The following NNT variants were observed in gnomAD, a reference collection of about 807,000 sequenced individuals.
NNT encodes the protein nicotinamide nucleotide transhydrogenase.
In NNT, 50 loss-of-function variants were observed where a neutral mutation model predicts 104.8. The ratio of observed to expected loss-of-function variants is 0.48; its 90% CI spans 0.38 to 0.60. The LOEUF is 0.60. Among genes scored for constraint, NNT ranks in the 20% least tolerant of loss-of-function variants. NNT has a pLI of 0.00. For missense variants in NNT, 1,131 were observed against 1,330.7 expected, an observed-to-expected ratio of 0.85 and a Z score of 2.33; for synonymous variants, 461 against 490.4, an observed-to-expected ratio of 0.94 and a Z score of 0.79.
intron 6 of NNT, among the ~76,000 whole-genome samples, chr5:43,624,830 G>A (rs530383529): frequency 2.6e-4 from 39 of 152,274 alleles, no homozygotes; most frequent in Admixed American, 5.9e-4. Context: ...GTTGAAAAAT[G>A]TAGTCATTTA....
chr5:43,656,029 G>A lies in NNT; in HGVS notation c.2249G>A (p.Gly750Asp). 1 of 1,614,182 alleles carries A rather than the reference G, an allele frequency of 6.2e-7. No homozygotes were observed. The highest frequency in any genetic ancestry group is 8.5e-7 in the Non-Finnish European group (1 of 1,180,020). ...GCCTACCTCGGCACTTACATTGGTG[G>A]CGTCACCTTTAGTGGGTCTCTCATT... ...IVAYLGTYIGGVTFSGSLIAY... is the reference protein window; with the variant it reads ...IVAYLGTYIGDVTFSGSLIAY... The change falls in exon 15 of 22, where the codon GGC (glycine) becomes GAC (aspartate). Residue 750 changes from glycine to aspartate, a missense_variant. Gly to Asp is a moderately conservative substitution (Grantham distance 94). Coordinates refer to ENST00000344920, the MANE Select transcript of NNT (RefSeq NM_182977.3).
At chr5:43,678,812 AG>A (rs1741556377) in intron 19 of NNT, among the ~76,000 whole-genome samples, 1 of 152,218 alleles carries the variant, frequency 6.6e-6, no homozygotes, top group African/African-American at 2.4e-5. Flanking sequence ...TGATGAAATC[AG>A]GGGGCTACCT....
At chr5:43,695,337 A>G (rs1258264737) in intron 19 of NNT, among the ~76,000 whole-genome samples, 1 of 152,210 alleles carries the variant, frequency 6.6e-6, no homozygotes, top group Non-Finnish European at 1.5e-5. Context: ...CTGGCTTGCC[A>G]ACAGTTCTTG....
rs1739310986 is a variant in NNT, at chr5:43,645,129, G to A, written c.1291-228G>A. On this transcript the variant is annotated intron_variant, in intron 9 of 21. Transcript: ENST00000344920. ...TTTGCACTCTTGCTTATATGGTCCT[G>A]TACACATACAAATTACATATATATG... Among the ~76,000 whole-genome samples, 2 of 151,926 alleles carry A rather than the reference G, an allele frequency of 1.3e-5. 1 individual carries two copies. Among genetic ancestry groups the A allele is most frequent in the African/African-American group, 4.8e-5 (2 of 41,324 alleles).
chr5:43,632,453 C>T lies in NNT; in HGVS notation c.964+4066C>T, dbSNP rs1453784708. 3.3e-5 allele frequency among the ~76,000 whole-genome samples: 5 copies of T among 152,154 alleles called. No homozygotes were observed. In the East Asian group the frequency reaches 9.6e-4, roughly 29 times the overall value. ...AATTTTTATTGTCCTAGGTATACGT[C>T]ACTTGGTGGTCTTGAAAAAACAATG... On this transcript the variant is annotated intron_variant, in intron 7 of 21. Coordinates refer to ENST00000344920, the MANE Select transcript of NNT (RefSeq NM_182977.3).
intron 19 of NNT, among the ~76,000 whole-genome samples, chr5:43,691,070 A>AGAGTGTGTGT (rs1245517310): frequency 1.5e-4 from 21 of 137,398 alleles, no homozygotes; most frequent in Non-Finnish European, 2.5e-4. Flanking sequence ...TTTTTGAGAG[A>AGAGTGTGTGT]GTGTGTGTGT....
chr5:43,628,249 G>A lies in NNT; in HGVS notation c.826G>A (p.Val276Met), dbSNP rs141799831. ...GTCTCTTGGTGCTGAGCCCTTGGAG[G>A]TGGACTTGAAGGAATCTGGTGAGGG... ...FKSLGAEPLE[V>M]DLKESGEGQG... is the part of the protein sequence containing the mutation. The change falls in exon 7 of 22, where the codon GTG becomes ATG. Residue 276 changes from valine to methionine, a missense_variant. Val to Met is a conservative substitution (Grantham distance 21, BLOSUM62 1). Transcript: ENST00000344920. The A allele has an allele frequency of 1.2e-5, 19 of 1,613,940 alleles. No homozygotes were observed. The African/African-American group carries it at 1.7e-4, about 15-fold the overall frequency.
intron 14 of NNT, among the ~76,000 whole-genome samples, chr5:43,653,813 G>A (rs575520980): frequency 5.1e-4 from 77 of 152,042 alleles, no homozygotes; most frequent in African/African-American, 1.1e-3. Flanking sequence ...AAATTAGTTG[G>A]GCATGGTGGC....
chr5:43,627,189 C>T (rs79233968), intron 6 of NNT, among the ~76,000 whole-genome samples: 9,529 of 152,236 alleles, frequency 0.063, 396 homozygotes, highest in Non-Finnish European at 0.09. Flanking sequence ...ACTTTACCTC[C>T]AGGGGGCAAT....
chr5:43,635,332 G>A (rs1358620782), intron 7 of NNT, among the ~76,000 whole-genome samples: 2 of 152,146 alleles, frequency 1.3e-5, no homozygotes, highest in Non-Finnish European at 2.9e-5. Flanking sequence ...GGCTATGAAG[G>A]TTGCTCTGGG....
rs1402529564 is a variant in NNT at position 43,613,134 on chromosome 5, C to A, written c.378C>A (p.Val126=). 2 of 1,609,418 alleles carry A rather than the reference C, an allele frequency of 1.2e-6. No homozygotes were observed. The highest frequency in any genetic ancestry group is 1.3e-5 in the African/African-American group (1 of 74,876). ...AAGTGCTGGCTTCTGATTTGGTGGTCAAAGTAATTATTCCTTTTTCCTCTC... is the reference window on the plus strand; with the variant it reads ...AAGTGCTGGCTTCTGATTTGGTGGTAAAAGTAATTATTCCTTTTTCCTCTC... ...AKEVLASDLV[V]KVRAPMVNPT... Residue 126 remains valine (V), a synonymous_variant, in exon 3 of 22, where the codon GTC becomes GTA. Coordinates refer to ENST00000344920, the MANE Select transcript of NNT (RefSeq NM_182977.3).
chr5:43,687,821 A>T (rs1742062991), intron 19 of NNT, among the ~76,000 whole-genome samples: 1 of 152,212 alleles, frequency 6.6e-6, no homozygotes, highest in Non-Finnish European at 1.5e-5. Context: ...AGGCATCAAA[A>T]TGAGAACAAA....
chr5:43,638,652 G>A (rs1751061209), intron 7 of NNT, among the ~76,000 whole-genome samples: 1 of 148,296 alleles, frequency 6.7e-6, no homozygotes, highest in Non-Finnish European at 1.5e-5. Context: ...TTTTGTTAAA[G>A]CAGAAAGTTT....
At chr5:43,657,190 T>C (rs956742892) in intron 16 of NNT, among the ~76,000 whole-genome samples, 1 of 152,184 alleles carries the variant, frequency 6.6e-6, no homozygotes, top group Non-Finnish European at 1.5e-5. Context: ...ACAAGTAAGA[T>C]AGTCTCTGCC....
intron 17 of NNT, among the ~76,000 whole-genome samples, chr5:43,669,232 A>G (rs1485279941): frequency 3.3e-5 from 5 of 152,068 alleles, no homozygotes; most frequent in African/African-American, 1.2e-4. Context: ...GCAAACAGGG[A>G]CAATTTGACT....
intron 19 of NNT, among the ~76,000 whole-genome samples, chr5:43,694,695 A>G (rs995595447): frequency 2.0e-5 from 3 of 149,202 alleles, no homozygotes; most frequent in African/African-American, 7.5e-5. Flanking sequence ...TATTTTGTTG[A>G]GGATTTTTGC....
At chr5:43,660,848 C>T (rs1224703226) in intron 17 of NNT, among the ~76,000 whole-genome samples, 4 of 152,120 alleles carry the variant, frequency 2.6e-5, no homozygotes, top group Non-Finnish European at 2.9e-5. Context: ...CAGGTCCCCC[C>T]GTGGCATGTG....
At chr5:43,603,526 C>T (rs1016312373) in intron 1 of NNT, among the ~76,000 whole-genome samples, 16 of 152,230 alleles carry the variant, frequency 1.1e-4, no homozygotes, top group Middle Eastern at 3.4e-3. Flanking sequence ...GTCCCTTTCT[C>T]GTCTCCTGCT....
chr5:43,699,154 G>A (rs1561333289), intron 19 of NNT, among the ~76,000 whole-genome samples: 1 of 151,994 alleles, frequency 6.6e-6, no homozygotes, highest in Non-Finnish European at 1.5e-5. Flanking sequence ...TATATCTGTG[G>A]TCAAAAGAAG....
Sources: allele counts gnomAD v4.1 joint callset (sites outside exome capture counted in the v4.1 genomes callset), GRCh38; gene constraint gnomAD v4.1.1; transcripts MANE v1.5; gene names NCBI Gene and HGNC (gene_info 2026-07-23, HGNC 2026-07-21).